Variants in TESC observed in about 807,000 individuals in gnomAD.
The protein encoded by TESC is calcineurin B homologous protein 3.
A neutral mutation model predicts 31.0 loss-of-function variants in TESC; 19 were observed. The observed-to-expected ratio is 0.61, with a 90% CI of 0.43 to 0.90. The LOEUF (loss-of-function observed/expected upper bound fraction) is 0.90. Among genes scored for constraint, TESC ranks in the 40% least tolerant of loss-of-function variants. TESC has a pLI of 0.00. For synonymous variants in TESC, 109 were observed against 114.8 expected (o/e 0.95, Z 0.32); for missense variants, 248 against 303.8 (o/e 0.82, Z 1.36).
chr12:117,040,432 TA>T (rs1473047596), intron 7 of TESC, among the ~76,000 whole-genome samples: 2 of 152,144 alleles, frequency 1.3e-5, no homozygotes, highest in Non-Finnish European at 2.9e-5. Flanking sequence ...TGGGGAGCAC[TA>T]GGGGCCTGGC....
chr12:117,070,764 G>A lies in TESC; in HGVS notation c.128+4507C>T, dbSNP rs533936173. Among the ~76,000 whole-genome samples the A allele has an allele frequency of 2.0e-5, 3 of 152,138 alleles. No homozygotes were observed. The South Asian group carries it at 6.2e-4, about 32-fold the overall frequency. ...CCTCTACTTCCTATGGGGTTCTGTA[G>A]GACTGAAGTCAGCCTGGGCGACATG... is the stretch of plus-strand genomic sequence containing the variant. On this transcript the variant is annotated intron_variant, in intron 2 of 7. Transcript: ENST00000335209.
At chr12:117,052,785 T>C (rs1173982104) in intron 3 of TESC, among the ~76,000 whole-genome samples, 1 of 146,466 alleles carries the variant, frequency 6.8e-6, no homozygotes. Flanking sequence ...CTCACACCTC[T>C]AGTCAGTGCC....
intron 2 of TESC, among the ~76,000 whole-genome samples, chr12:117,068,050 C>G (rs1954911594): frequency 1.3e-5 from 2 of 152,150 alleles, no homozygotes; most frequent in African/African-American, 4.8e-5. Flanking sequence ...TGCCACCATG[C>G]CCGGCTCATT....
Position 117,039,115 on chromosome 12 carries a change from C to T in TESC, c.*18G>A, listed in dbSNP as rs1185710219. ...GCCCCATTGCAAAGTGCAGTTTCTC[C>T]GCGGAGGTGGCGGTGGGTCAGTGGC... On this transcript the variant is annotated 3_prime_UTR_variant, in exon 8 of 8. Coordinates refer to ENST00000335209, the MANE Select transcript of TESC (RefSeq NM_017899.4). 36 of 1,613,118 alleles carry T rather than the reference C, an allele frequency of 2.2e-5. 1 individual carries two copies. The highest frequency in any genetic ancestry group is 1.2e-4 in the South Asian group (11 of 90,750).
chr12:117,071,839 G>C (rs1593012138), intron 2 of TESC, among the ~76,000 whole-genome samples: 1 of 152,154 alleles, frequency 6.6e-6, no homozygotes, highest in Non-Finnish European at 1.5e-5. Flanking sequence ...TGCAGGAGGA[G>C]GACGCTCCAC....
At chr12:117,058,500 T>C (rs566311957) in intron 2 of TESC, among the ~76,000 whole-genome samples, 3 of 149,688 alleles carry the variant, frequency 2.0e-5, no homozygotes, top group African/African-American at 2.5e-5. Flanking sequence ...ATACAACAAA[T>C]GTCACTGAAT....
chr12:117,081,335 A>G (rs1955144897), intron 1 of TESC, among the ~76,000 whole-genome samples: 1 of 152,248 alleles, frequency 6.6e-6, no homozygotes, highest in South Asian at 2.1e-4. Flanking sequence ...AATGGGCTAA[A>G]TAAAATACAC....
At chr12:117,055,993 T>C (rs1304778197) in intron 3 of TESC, among the ~76,000 whole-genome samples, 1 of 147,990 alleles carries the variant, frequency 6.8e-6, no homozygotes, top group Non-Finnish European at 1.5e-5. Flanking sequence ...TAATCTCGGC[T>C]CACTGCAACG....
At position 117,056,840 on chromosome 12, in the gene TESC, G is replaced by A. The variant is rs772915105; in HGVS notation, c.175C>T (p.Arg59Ter). 5 of 1,614,028 alleles carry A rather than the reference G, an allele frequency of 3.1e-6. No individual in the cohort carries two copies. Among genetic ancestry groups the A allele is most frequent in the South Asian group, 1.1e-5 (1 of 91,076 alleles). ...NVPDLELNPI[R>*]SKIVRAFFDN... ...AAGAAGGCACGAACAATTTTGGATC[G>A]GATGGGGTTGAGCTCCAGGTCCGGG... Residue 59 changes from arginine to a stop codon, truncating the protein, a stop_gained, in exon 3 of 8, where the codon CGA becomes TGA. Transcript: ENST00000335209. LOFTEE classifies it high-confidence loss of function.
chr12:117,068,601 C>T lies in TESC; in HGVS notation c.128+6670G>A, dbSNP rs143571558. On this transcript the variant is annotated intron_variant, in intron 2 of 7. Coordinates refer to ENST00000335209, the MANE Select transcript of TESC (RefSeq NM_017899.4). The stretch of plus-strand genomic sequence containing the variant: ...TGGAGTTAGGACATTTTGCTGACGC[C>T]CCACTGTCTGGGCTATCAGAACATG... Among the ~76,000 whole-genome samples, 286 of 152,270 alleles carry T rather than the reference C, an allele frequency of 1.9e-3. 1 individual carries two copies. The highest frequency in any genetic ancestry group is 6.7e-3 in the African/African-American group (278 of 41,552).
At chr12:117,066,200 C>T (rs1244768689) in intron 2 of TESC, among the ~76,000 whole-genome samples, 8 of 62,982 alleles carry the variant, frequency 1.3e-4, no homozygotes, top group South Asian at 7.9e-4. Context: ...CTTCCTTTAG[C>T]TTTTTTTTTT....
At chr12:117,080,749 G>A (rs1565973564) in intron 1 of TESC, among the ~76,000 whole-genome samples, 3 of 151,948 alleles carry the variant, frequency 2.0e-5, no homozygotes, top group South Asian at 2.1e-4. Flanking sequence ...TCCTAACTGC[G>A]CCCCCCCAAC....
At chr12:117,087,692 C>G (rs1474889763) in intron 1 of TESC, among the ~76,000 whole-genome samples, 1 of 152,172 alleles carries the variant, frequency 6.6e-6, no homozygotes, top group Non-Finnish European at 1.5e-5. Context: ...CCACCATGTG[C>G]TTTAGCTGGG....
chr12:117,067,320 T>C (rs1434807495), intron 2 of TESC, among the ~76,000 whole-genome samples: 1 of 152,162 alleles, frequency 6.6e-6, no homozygotes, highest in African/African-American at 2.4e-5. Flanking sequence ...ATCCTAGCAC[T>C]TTGGAAGACT....
At chr12:117,098,913 C>A (rs1955432984) in intron 1 of TESC, among the ~76,000 whole-genome samples, 1 of 152,042 alleles carries the variant, frequency 6.6e-6, no homozygotes, top group Non-Finnish European at 1.5e-5. Flanking sequence ...CTTGCCCGCC[C>A]GGCCTGAGGC....
intron 1 of TESC, among the ~76,000 whole-genome samples, chr12:117,076,259 T>C (rs563123981): frequency 6.6e-6 from 1 of 151,902 alleles, no homozygotes; most frequent in South Asian, 2.1e-4. Flanking sequence ...CAGGCTGGTG[T>C]TGGACATGAT....
At chr12:117,098,158 C>G (rs2135811884) in intron 1 of TESC, among the ~76,000 whole-genome samples, 1 of 152,356 alleles carries the variant, frequency 6.6e-6, no homozygotes, top group East Asian at 1.9e-4. Context: ...GTGATCAATA[C>G]TGGACGCTGG....
At chr12:117,066,983 C>T (rs1451304314) in intron 2 of TESC, among the ~76,000 whole-genome samples, 1 of 152,180 alleles carries the variant, frequency 6.6e-6, no homozygotes, top group African/African-American at 2.4e-5. Flanking sequence ...AACGCCTCCG[C>T]ACCTTTTCAC....
rs760428551 is a variant in TESC at position 117,039,223 on chromosome 12, G to A, written c.568-13C>T. 1 of 1,612,014 alleles carries A rather than the reference G, an allele frequency of 6.2e-7. No homozygotes were observed. The highest frequency in any genetic ancestry group is 8.5e-7 in the Non-Finnish European group (1 of 1,179,046). ...TCCCCTGCCAGATCTGGAAGGGACG[G>A]AGCAGCGTTAAGGGCACGTTCCCGC... On this transcript the variant is annotated splice_polypyrimidine_tract_variant and intron_variant, in intron 7 of 7. Transcript: ENST00000335209.
Sources: allele counts gnomAD v4.1 joint callset (sites outside exome capture counted in the v4.1 genomes callset), GRCh38; gene constraint gnomAD v4.1.1; transcripts MANE v1.5; gene names NCBI Gene and HGNC (gene_info 2026-07-23, HGNC 2026-07-21).